The following POLN variants were observed in gnomAD, a reference collection of about 807,000 sequenced individuals.
The protein encoded by POLN is DNA polymerase nu.
A neutral mutation model predicts 113.5 loss-of-function variants in POLN; 108 were observed. The ratio of observed to expected loss-of-function variants is 0.95; its 90% CI spans 0.81 to 1.12. POLN has a LOEUF of 1.12. Among genes scored for constraint, POLN ranks in the 50% most tolerant of loss-of-function variants. POLN has a pLI of 0.00. For missense variants in POLN, 1,097 were observed against 1,077.1 expected (o/e 1.02, Z -0.26); for synonymous variants, 386 against 391.5 (o/e 0.99, Z 0.17).
intron 16 of POLN, among the ~76,000 whole-genome samples, chr4:2,144,470 T>C (rs1443383402): frequency 6.6e-6 from 1 of 152,134 alleles, no homozygotes; most frequent in Non-Finnish European, 1.5e-5. Flanking sequence ...AAGACTCTTT[T>C]CTTAACTAGA....
intron 17 of POLN, among the ~76,000 whole-genome samples, chr4:2,130,627 A>G (rs185280031): frequency 3.9e-5 from 6 of 152,334 alleles, no homozygotes; most frequent in Admixed American, 6.5e-5. Flanking sequence ...TCAAACTTTA[A>G]TAAGCACCAG....
At chr4:2,192,480 C>T (rs551699489) in intron 7 of POLN, among the ~76,000 whole-genome samples, 2 of 152,052 alleles carry the variant, frequency 1.3e-5, no homozygotes, top group East Asian at 3.9e-4. Flanking sequence ...GCTAGGATTA[C>T]AGGCATGAGC....
At chr4:2,121,108 A>ATCTTAGGGGGAAGGCATTCTT (rs1731428106) in intron 19 of POLN, among the ~76,000 whole-genome samples, 2 of 151,866 alleles carry the variant, frequency 1.3e-5, no homozygotes, top group African/African-American at 4.8e-5. Flanking sequence ...GTTGTTCCTG[A>ATCTTAGGGGGAAGGCATTCTT]TCTTAGGGGG....
intron 20 of POLN, among the ~76,000 whole-genome samples, chr4:2,088,304 TAAG>T (rs1468970216): frequency 6.6e-6 from 1 of 152,206 alleles, no homozygotes; most frequent in Admixed American, 6.5e-5. Flanking sequence ...CTGTGCCACA[TAAG>T]AATAATCTTC....
At chr4:2,107,680 T>A (rs963910174) in intron 19 of POLN, among the ~76,000 whole-genome samples, 3 of 152,068 alleles carry the variant, frequency 2.0e-5, no homozygotes, top group Non-Finnish European at 4.4e-5. Context: ...CTGGCTGGGA[T>A]GTGAGGTAGG....
At chr4:2,090,612 G>A in intron 20 of POLN, 1 of 423,582 alleles carries the variant, frequency 2.4e-6, no homozygotes, top group Non-Finnish European at 4.5e-6. Context: ...TCCGATGCTG[G>A]GCCATGACGG....
intron 16 of POLN, among the ~76,000 whole-genome samples, chr4:2,151,901 CTTT>C (rs1189011243): frequency 6.6e-6 from 1 of 152,124 alleles, no homozygotes; most frequent in Non-Finnish European, 1.5e-5. Flanking sequence ...TTTTTTCCTT[CTTT>C]TTTTATTTCC....
rs1734062321 is a variant in POLN, at chr4:2,214,321, T to TTA, written c.134-1197_134-1196dup. ...CAACCCAGAGACTGATCCCAAGACTTTATATACAACAAAGATAGTATTTCA... is the reference window on the plus strand; with the variant it reads ...CAACCCAGAGACTGATCCCAAGACTTTATATATACAACAAAGATAGTATTTCA... On this transcript the variant is annotated intron_variant, in intron 3 of 25. Transcript: ENST00000511885. Among the ~76,000 whole-genome samples the TTA allele has an allele frequency of 2.6e-5, 4 of 152,238 alleles. No individual in the cohort carries two copies. The East Asian group carries it at 7.7e-4, about 29-fold the overall frequency.
intron 16 of POLN, among the ~76,000 whole-genome samples, chr4:2,141,839 C>T (rs1181880119): frequency 6.6e-6 from 1 of 152,234 alleles, no homozygotes; most frequent in Non-Finnish European, 1.5e-5. Context: ...GCATGGCACT[C>T]CTGGAGACTG....
At chr4:2,076,590 T>C (rs985702791) in intron 23 of POLN, 7 of 152,280 alleles carry the variant, frequency 4.6e-5, no homozygotes, top group African/African-American at 1.4e-4. Context: ...GTCTCCTGGA[T>C]CGAGTCTTCA....
Position 2,191,389 on chromosome 4 carries a change from G to C in POLN, c.1021+1815C>G, listed in dbSNP as rs56092267. ...GTTGATTAACGGTTACAAATACATA[G>C]TTAGGCAGAAGAAAGAAGACCTGGT... On this transcript the variant is annotated intron_variant, in intron 7 of 25. Transcript: ENST00000511885. Among the ~76,000 whole-genome samples the C allele has an allele frequency of 2.6e-3, 394 of 152,286 alleles. 2 individuals are homozygous for C. Among genetic ancestry groups the C allele is most frequent in the African/African-American group, 9.0e-3 (373 of 41,556 alleles).
intron 6 of POLN, 72 bp downstream of exon 6, chr4:2,198,452 C>A: frequency 7.4e-7 from 1 of 1,353,572 alleles, no homozygotes; most frequent in Non-Finnish European, 9.8e-7. Flanking sequence ...AAAACTGGAC[C>A]TTGAGCAAGT....
chr4:2,177,424 G>A (rs1733024236), intron 8 of POLN: 3 of 337,076 alleles, frequency 8.9e-6, no homozygotes, highest in South Asian at 6.7e-5. Flanking sequence ...CACCTCTTTG[G>A]AGAGAATGGT....
Position 2,240,451 on chromosome 4 carries a change from G to A in POLN, c.-13+1069C>T, listed in dbSNP as rs781693640. The A allele has an allele frequency of 4.2e-5, 67 of 1,613,828 alleles. No individual in the cohort carries two copies. Among genetic ancestry groups the A allele is most frequent in the Admixed American group, 3.0e-4 (18 of 59,966 alleles). ...GTAACTTCATCAGTAAGAGCCTGAA[G>A]TTCATTACTGATCTTAGTGATCATT... On this transcript the variant is annotated intron_variant, in intron 2 of 25. Transcript: ENST00000511885.
At chr4:2,190,349 TC>T (rs1456280633) in intron 7 of POLN, among the ~76,000 whole-genome samples, 1 of 151,982 alleles carries the variant, frequency 6.6e-6, no homozygotes, top group East Asian at 1.9e-4. Flanking sequence ...GAAACTAGAC[TC>T]CTATCTCTCA....
intron 7 of POLN, among the ~76,000 whole-genome samples, chr4:2,183,237 T>C (rs1477480548): frequency 1.3e-5 from 2 of 152,208 alleles, no homozygotes; most frequent in African/African-American, 2.4e-5. Flanking sequence ...GGAAACAAGT[T>C]TGGCAGTTCC....
chr4:2,081,735 CCA>C lies in POLN; in HGVS notation c.2204_2205del (p.Val735GlyfsTer17). The stretch of plus-strand genomic sequence containing the variant: ...GGTCTCCTTCTGCCCATGATGGACA[CCA>C]CACAGCCTGAGTCACACAGAGCAAA... ...AIAQCHQTGC[V>X]VSIMGRRRPL... On this transcript the variant is annotated frameshift_variant, in exon 22 of 26. Coordinates refer to ENST00000511885, the MANE Select transcript of POLN (RefSeq NM_181808.4). LOFTEE classifies it high-confidence loss of function. 2 of 1,613,928 alleles carry C rather than the reference CCA, an allele frequency of 1.2e-6. No individual in the cohort carries two copies. Among genetic ancestry groups the C allele is most frequent in the Non-Finnish European group, 1.7e-6 (2 of 1,179,866 alleles).
intron 21 of POLN, among the ~76,000 whole-genome samples, chr4:2,083,892 GT>G (rs1730489949): frequency 1.3e-5 from 2 of 152,160 alleles, no homozygotes. Flanking sequence ...TTTTTGACAT[GT>G]TTACAAAATG....
chr4:2,183,456 A>G (rs1733192444), intron 7 of POLN, among the ~76,000 whole-genome samples: 1 of 152,254 alleles, frequency 6.6e-6, no homozygotes. Context: ...CATAAAAAGG[A>G]ATAAAGTACT....
Sources: allele counts gnomAD v4.1 joint callset (sites outside exome capture counted in the v4.1 genomes callset), GRCh38; gene constraint gnomAD v4.1.1; transcripts MANE v1.5; gene names NCBI Gene and HGNC (gene_info 2026-07-23, HGNC 2026-07-21).